Variants in NRXN3 observed in about 807,000 individuals in gnomAD.
NRXN3 encodes the protein neurexin 3.
In NRXN3, 32 loss-of-function variants were observed where a neutral mutation model predicts 137.6. The ratio of observed to expected loss-of-function variants is 0.23; its 90% CI spans 0.18 to 0.31. The LOEUF (loss-of-function observed/expected upper bound fraction) is 0.31. Ranked by LOEUF, NRXN3 falls within the 10% of genes least tolerant of loss-of-function variation. The probability of loss-of-function intolerance (pLI) is 1.00; values close to 1 mark genes in which losing one functional copy is unlikely to be tolerated. For missense variants in NRXN3, 1,574 were observed against 2,062.5 expected, an observed-to-expected ratio of 0.76 and a Z score of 4.59; for synonymous variants, 798 against 784.5, an observed-to-expected ratio of 1.02 and a Z score of -0.29.
At chr14:78,491,196 A>G (rs903253624) in intron 4 of NRXN3, among the ~76,000 whole-genome samples, 1 of 152,196 alleles carries the variant, frequency 6.6e-6, no homozygotes, top group African/African-American at 2.4e-5. Context: ...CCCAGCTGCC[A>G]GATGATGGGA....
At chr14:78,945,852 T>C (rs1459422604) in intron 10 of NRXN3, among the ~76,000 whole-genome samples, 2 of 152,238 alleles carry the variant, frequency 1.3e-5, no homozygotes, top group Non-Finnish European at 2.9e-5. Flanking sequence ...AGCTCTGATT[T>C]GTCGCATCCT....
At chr14:79,728,963 A>T (rs1354195964) in intron 19 of NRXN3, among the ~76,000 whole-genome samples, 1 of 152,168 alleles carries the variant, frequency 6.6e-6, no homozygotes, top group Non-Finnish European at 1.5e-5. Context: ...GGTGCTAGAG[A>T]TACAGATACA....
intron 19 of NRXN3, among the ~76,000 whole-genome samples, chr14:79,743,194 T>C (rs1033243751): frequency 6.6e-6 from 1 of 152,226 alleles, no homozygotes; most frequent in African/African-American, 2.4e-5. Flanking sequence ...TATATTTAGG[T>C]ATCCACAGTG....
intron 2 of NRXN3, among the ~76,000 whole-genome samples, chr14:78,258,250 A>G (rs1232742476): frequency 6.6e-6 from 1 of 152,240 alleles, no homozygotes; most frequent in Non-Finnish European, 1.5e-5. Context: ...CAGAGCTTCA[A>G]TAATATGCCC....
At chr14:78,227,654 T>G (rs1399667542) in intron 1 of NRXN3, among the ~76,000 whole-genome samples, 1 of 152,190 alleles carries the variant, frequency 6.6e-6, no homozygotes, top group Non-Finnish European at 1.5e-5. Flanking sequence ...GCATAGGCAG[T>G]TAACACCGAA....
At chr14:79,117,979 A>G (rs1215510697) in intron 15 of NRXN3, among the ~76,000 whole-genome samples, 1 of 152,224 alleles carries the variant, frequency 6.6e-6, no homozygotes, top group Non-Finnish European at 1.5e-5. Flanking sequence ...AGCAGTGAAT[A>G]AGGAAAGCTA....
rs182390933 is a variant in NRXN3 at position 78,849,282 on chromosome 14, C to A, written c.2275+38938C>A. Among the ~76,000 whole-genome samples, 140 of 152,170 alleles carry A rather than the reference C, an allele frequency of 9.2e-4. 1 individual carries two copies. Among genetic ancestry groups the A allele is most frequent in the African/African-American group, 3.0e-3 (124 of 41,538 alleles). On this transcript the variant is annotated intron_variant, in intron 10 of 20. Transcript: ENST00000335750. ...GTATCTTTAGACTCAGATACACAAA[C>A]ATTATCTAAATCCAGGATGTAGAAG...
At chr14:78,952,899 C>T (rs2099389736) in intron 10 of NRXN3, among the ~76,000 whole-genome samples, 1 of 152,180 alleles carries the variant, frequency 6.6e-6, no homozygotes, top group African/African-American at 2.4e-5. Flanking sequence ...GTTCCCCATA[C>T]ACTTTTGGAA....
intron 15 of NRXN3, among the ~76,000 whole-genome samples, chr14:79,011,872 A>G (rs2099571907): frequency 6.6e-6 from 1 of 152,212 alleles, no homozygotes; most frequent in African/African-American, 2.4e-5. Context: ...GTTTACATCA[A>G]AGAGGACTGG....
At chr14:79,054,923 C>A (rs758469151) in intron 15 of NRXN3, among the ~76,000 whole-genome samples, 2 of 152,044 alleles carry the variant, frequency 1.3e-5, no homozygotes, top group African/African-American at 4.8e-5. Flanking sequence ...GTTAGTTTAC[C>A]ATTTGTGAGC....
At position 78,528,334 on chromosome 14, in the gene NRXN3, T is replaced by C. The variant is rs117406644; in HGVS notation, c.758-116786T>C. On this transcript the variant is annotated intron_variant, in intron 4 of 20. Transcript: ENST00000335750. ...CAACTTCCCTTCAGTGGAATTCCCATTTTGTGTAGTATTTTGGGGTGGAGG... is the reference window on the plus strand; with the variant it reads ...CAACTTCCCTTCAGTGGAATTCCCACTTTGTGTAGTATTTTGGGGTGGAGG... Among the ~76,000 whole-genome samples the C allele has an allele frequency of 9.8e-5, 15 of 152,286 alleles. No individual in the cohort carries two copies. In the East Asian group the frequency reaches 2.9e-3, roughly 29 times the overall value.
chr14:78,847,989 G>A (rs1394554964), intron 10 of NRXN3, among the ~76,000 whole-genome samples: 2 of 152,052 alleles, frequency 1.3e-5, no homozygotes, highest in Non-Finnish European at 2.9e-5. Flanking sequence ...GCATTGCAGT[G>A]AATAAGGGAT....
At chr14:79,357,123 A>T (rs1178117453) in intron 15 of NRXN3, among the ~76,000 whole-genome samples, 2 of 152,202 alleles carry the variant, frequency 1.3e-5, no homozygotes, top group Admixed American at 6.5e-5. Flanking sequence ...GGCTGATTCT[A>T]ATGGAGTTTG....
chr14:79,389,126 A>G (rs893227466), intron 15 of NRXN3, among the ~76,000 whole-genome samples: 1 of 152,176 alleles, frequency 6.6e-6, no homozygotes, highest in Non-Finnish European at 1.5e-5. Context: ...TTCATGTCAG[A>G]CATTGTCGTA....
intron 15 of NRXN3, among the ~76,000 whole-genome samples, chr14:79,159,335 T>C (rs932975236): frequency 5.3e-5 from 8 of 151,870 alleles, no homozygotes; most frequent in African/African-American, 1.9e-4. Context: ...CTCACTTGTT[T>C]AAAATTTTCA....
At chr14:78,984,548 A>G (rs1457524751) in intron 14 of NRXN3, among the ~76,000 whole-genome samples, 1 of 152,172 alleles carries the variant, frequency 6.6e-6, no homozygotes, top group African/African-American at 2.4e-5. Flanking sequence ...AAGCACAGTT[A>G]AGGCCAAGGG....
chr14:79,127,990 T>G, intron 15 of NRXN3, among the ~76,000 whole-genome samples: 1 of 150,446 alleles, frequency 6.6e-6, no homozygotes, highest in East Asian at 1.9e-4. Context: ...CTGTTGTTGG[T>G]GTATAAGAAT....
chr14:79,500,236 CA>C (rs34976297), intron 16 of NRXN3, among the ~76,000 whole-genome samples: 18,326 of 88,366 alleles, frequency 0.21, 1,048 homozygotes, highest in South Asian at 0.27. Flanking sequence ...AAAAAGAAGG[CA>C]AAAAAAAAAA....
At chr14:79,126,136 C>G (rs537131619) in intron 15 of NRXN3, among the ~76,000 whole-genome samples, 1 of 151,110 alleles carries the variant, frequency 6.6e-6, no homozygotes, top group Non-Finnish European at 1.5e-5. Flanking sequence ...TTAACTTAAA[C>G]TTTTTTTTTC....
Sources: gnomAD v4.1 joint callset for allele counts (sites outside exome capture counted in the v4.1 genomes callset) on GRCh38, gnomAD v4.1.1 for gene constraint, MANE v1.5 for transcripts, NCBI Gene and HGNC (gene_info 2026-07-23, HGNC 2026-07-21) for gene names.